BLK: variants seen among roughly 807,000 people sequenced by gnomAD.
BLK encodes the protein tyrosine-protein kinase Blk.
In BLK, 64 loss-of-function variants were observed where a neutral mutation model predicts 61.8. That is an observed-to-expected ratio of 1.03 (90% CI 0.85 to 1.27). The LOEUF (loss-of-function observed/expected upper bound fraction) is 1.27, where lower values mean the gene tolerates loss of function less well. Among genes scored for constraint, BLK ranks in the 50% most tolerant of loss-of-function variants. BLK has a pLI of 0.00. For synonymous variants in BLK, 351 were observed against 272.0 expected, an observed-to-expected ratio of 1.29 and a Z score of -2.86; for missense variants, 853 against 660.5, an observed-to-expected ratio of 1.29 and a Z score of -3.19.
chr8:11,519,290 C>T (rs1168942814), intron 1 of BLK, among the ~76,000 whole-genome samples: 2 of 152,196 alleles, frequency 1.3e-5, no homozygotes, highest in Non-Finnish European at 2.9e-5. Flanking sequence ...TAGGAGCCAA[C>T]ACTGTCACAG....
chr8:11,507,556 A>T (rs1189518789), intron 1 of BLK, among the ~76,000 whole-genome samples: 1 of 152,242 alleles, frequency 6.6e-6, no homozygotes, highest in Non-Finnish European at 1.5e-5. Flanking sequence ...ACAGGAGCTT[A>T]GTGGACCCAG....
intron 1 of BLK, among the ~76,000 whole-genome samples, chr8:11,510,282 T>C (rs1798944669): frequency 6.6e-6 from 1 of 152,210 alleles, no homozygotes; most frequent in African/African-American, 2.4e-5. Flanking sequence ...TTTTCATCTC[T>C]TTTCTCCAGC....
chr8:11,522,729 A>T (rs1799504580), intron 1 of BLK, among the ~76,000 whole-genome samples: 1 of 151,020 alleles, frequency 6.6e-6, no homozygotes, highest in Non-Finnish European at 1.5e-5. Context: ...AATCTCAAAA[A>T]CACATATTTC....
At chr8:11,551,898 G>T (rs957637873) in intron 6 of BLK, among the ~76,000 whole-genome samples, 4 of 152,146 alleles carry the variant, frequency 2.6e-5, no homozygotes, top group African/African-American at 9.7e-5. Context: ...GAGGCTGAGA[G>T]GCTTCCCAAG....
At chr8:11,550,083 G>A (rs1800830736) in intron 5 of BLK, 76 bp from the exon 6 acceptor site, 8 of 1,298,590 alleles carry the variant, frequency 6.2e-6, no homozygotes, top group Admixed American at 3.4e-5. Flanking sequence ...GACAGGCAGT[G>A]CAGGAGGGAG....
chr8:11,512,299 T>C (rs1282864543), intron 1 of BLK, among the ~76,000 whole-genome samples: 1 of 152,218 alleles, frequency 6.6e-6, no homozygotes, highest in Non-Finnish European at 1.5e-5. Flanking sequence ...CTGTGTTGTT[T>C]GTTTAGCTCT....
intron 1 of BLK, among the ~76,000 whole-genome samples, chr8:11,531,174 G>A (rs185221877): frequency 3.7e-4 from 56 of 152,034 alleles, no homozygotes; most frequent in Admixed American, 5.9e-4. Flanking sequence ...TTGAATTTTT[G>A]GCTTCTTTTA....
intron 8 of BLK, chr8:11,556,446 A>G (rs971097430): frequency 2.3e-5 from 14 of 621,504 alleles, no homozygotes; most frequent in Non-Finnish European, 4.0e-5. Flanking sequence ...CCCCCCAGGC[A>G]GGGTACATTC....
chr8:11,502,654 A>C (rs922808658), intron 1 of BLK, among the ~76,000 whole-genome samples: 4 of 152,220 alleles, frequency 2.6e-5, no homozygotes, highest in Non-Finnish European at 5.9e-5. Flanking sequence ...ATTCCTGAGA[A>C]TTTAACAACC....
At chr8:11,560,577 A>G in intron 10 of BLK, 1 of 310,756 alleles carries the variant, frequency 3.2e-6, no homozygotes, top group East Asian at 8.9e-5. Flanking sequence ...ATAAAGCCTT[A>G]GTTTCCTCAG....
Position 11,550,315 on chromosome 8 carries a change from G to A in BLK, c.472+53G>A, listed in dbSNP as rs190456319. ...CTTGCCCTGCTCCTCCCGGGAAGGC[G>A]CCTCCAGAGGCCTGGCCCTGGAGTG... On this transcript the variant is annotated intron_variant, in intron 6 of 12. Transcript: ENST00000259089. 3.9e-5 allele frequency: 60 copies of A among 1,526,310 alleles called. 1 individual carries two copies. The highest frequency in any genetic ancestry group is 3.9e-4 in the South Asian group (35 of 89,110). The allele number at this position is 1,526,310 out of a possible 1,614,324, so 94.5% of individuals were successfully genotyped here.
chr8:11,545,494 A>G (rs1585391497), intron 2 of BLK, among the ~76,000 whole-genome samples: 1 of 152,154 alleles, frequency 6.6e-6, no homozygotes, highest in African/African-American at 2.4e-5. Flanking sequence ...GGTTGCAGTG[A>G]TCCGAGATTA....
chr8:11,518,498 G>T (rs1799313794), intron 1 of BLK, among the ~76,000 whole-genome samples: 1 of 152,016 alleles, frequency 6.6e-6, no homozygotes, highest in South Asian at 2.1e-4. Context: ...ACCTCTGAAG[G>T]TCACTGTCAC....
At chr8:11,517,298 G>A (rs556918299) in intron 1 of BLK, among the ~76,000 whole-genome samples, 32 of 152,342 alleles carry the variant, frequency 2.1e-4, no homozygotes, top group African/African-American at 7.5e-4. Flanking sequence ...TGCAGAATAC[G>A]AGAGAAAGAG....
intron 1 of BLK, among the ~76,000 whole-genome samples, chr8:11,516,716 G>C (rs1799243390): frequency 6.6e-6 from 1 of 152,160 alleles, no homozygotes; most frequent in African/African-American, 2.4e-5. Flanking sequence ...ATTTCACTTA[G>C]CACAATGCCT....
At chr8:11,554,916 G>T in intron 7 of BLK, 27 bp downstream of exon 7, 1 of 1,608,310 alleles carries the variant, frequency 6.2e-7, no homozygotes. Context: ...AATGGGGGCA[G>T]GGACTTGTGC....
intron 1 of BLK, among the ~76,000 whole-genome samples, chr8:11,532,557 G>T (rs1799934539): frequency 6.6e-6 from 1 of 151,860 alleles, no homozygotes; most frequent in South Asian, 2.1e-4. Flanking sequence ...TAATCTCTAG[G>T]AGACCCATTT....
intron 1 of BLK, among the ~76,000 whole-genome samples, chr8:11,510,625 C>T (rs562404317): frequency 5.9e-5 from 9 of 152,240 alleles, no homozygotes; most frequent in African/African-American, 1.7e-4. Flanking sequence ...CTCTCTCTGT[C>T]TCTTTCCCCC....
chr8:11,546,472 G>A (rs983563611), intron 3 of BLK, among the ~76,000 whole-genome samples: 1 of 152,164 alleles, frequency 6.6e-6, no homozygotes, highest in Admixed American at 6.5e-5. Flanking sequence ...TCCAGCCCCT[G>A]TCCGCTCTAT....
Sources: allele counts gnomAD v4.1 joint callset (sites outside exome capture counted in the v4.1 genomes callset), GRCh38; gene constraint gnomAD v4.1.1; transcripts MANE v1.5; gene names NCBI Gene and HGNC (gene_info 2026-07-23, HGNC 2026-07-21).